ICA1: variants seen among roughly 807,000 people sequenced by gnomAD.
The protein encoded by ICA1 is 69 kDa islet cell autoantigen.
A neutral mutation model predicts 71.0 loss-of-function variants in ICA1; 40 were observed. That is an observed-to-expected ratio of 0.56 (90% CI 0.44 to 0.73). The LOEUF is 0.73. Ranked by LOEUF, ICA1 falls within the 30% of genes least tolerant of loss-of-function variation. The probability of loss-of-function intolerance (pLI) is 0.00; values close to 1 mark genes in which losing one functional copy is unlikely to be tolerated. For missense variants in ICA1, 578 were observed against 576.5 expected, an observed-to-expected ratio of 1.00 and a Z score of -0.03; for synonymous variants, 207 against 209.5, an observed-to-expected ratio of 0.99 and a Z score of 0.10.
intron 2 of ICA1, 22 bp from the exon 3 acceptor site, chr7:8,232,777 T>C (rs1350827103): frequency 6.5e-7 from 1 of 1,544,920 alleles, no homozygotes; most frequent in African/African-American, 1.4e-5. Context: ...TAAAGAACTA[T>C]TTTATTCACA....
chr7:8,176,676 C>T (rs1009207963), intron 6 of ICA1, among the ~76,000 whole-genome samples: 1 of 152,200 alleles, frequency 6.6e-6, no homozygotes. Flanking sequence ...TAGTACTGCT[C>T]TTCAACAGGG....
rs1048930092 is a variant in ICA1 at position 8,144,047 on chromosome 7, G to C, written c.805-75C>G. 2 of 868,758 alleles carry C rather than the reference G, an allele frequency of 2.3e-6. No individual in the cohort carries two copies. The highest frequency in any genetic ancestry group is 3.6e-6 in the Non-Finnish European group (2 of 562,210). The allele number at this position is 868,758 out of a possible 1,614,324, so 53.8% of individuals were successfully genotyped here. ...ATAGAGACAAAAAAAAGAAAAGAAA[G>C]GTTATCAATTAAAAAATTCAACTGC... On this transcript the variant is annotated intron_variant, in intron 8 of 13. Coordinates refer to ENST00000402384, the MANE Select transcript of ICA1 (RefSeq NM_001136020.3). The surrounding 1 kb of genome is among the most constrained non-coding windows in gnomAD (Gnocchi z 4.5).
chr7:8,159,800 T>A (rs559696229), intron 6 of ICA1, among the ~76,000 whole-genome samples: 1 of 152,314 alleles, frequency 6.6e-6, no homozygotes, highest in African/African-American at 2.4e-5. Context: ...CAACACAGCA[T>A]ATTTTGGCTA....
intron 1 of ICA1, among the ~76,000 whole-genome samples, chr7:8,242,393 A>C (rs1804283591): frequency 6.6e-6 from 1 of 152,246 alleles, no homozygotes; most frequent in African/African-American, 2.4e-5. Flanking sequence ...ATGTACCAGA[A>C]TCTCTGGGAC....
chr7:8,142,178 G>C (rs940344028), intron 9 of ICA1: 5 of 437,898 alleles, frequency 1.1e-5, no homozygotes, highest in Non-Finnish European at 1.6e-5. Flanking sequence ...CTGATTCCTA[G>C]TGTTATAGGA....
At chr7:8,125,283 G>A (rs1225173359) in intron 13 of ICA1, among the ~76,000 whole-genome samples, 1 of 152,186 alleles carries the variant, frequency 6.6e-6, no homozygotes, top group Non-Finnish European at 1.5e-5. Context: ...TGTGTGGCCT[G>A]GCCTCCGCCT....
chr7:8,184,694 T>C (rs1191270262), intron 6 of ICA1, among the ~76,000 whole-genome samples: 1 of 152,224 alleles, frequency 6.6e-6, no homozygotes, highest in Admixed American at 6.5e-5. Flanking sequence ...TAAATATACA[T>C]GCAAGAGTAT....
At position 8,234,758 on chromosome 7, in the gene ICA1, A is replaced by C. The variant is rs1208874321; in HGVS notation, c.17+1152T>G. Among the ~76,000 whole-genome samples, 1 of 152,228 alleles carries C rather than the reference A, an allele frequency of 6.6e-6. No homozygotes were observed. Among genetic ancestry groups the C allele is most frequent in the Non-Finnish European group, 1.5e-5 (1 of 68,030 alleles). ...ATCAGAGAAAATAAGATAATGTATA[A>C]AACTTATGTAAAAGATAATCTCTCT... is the stretch of plus-strand genomic sequence containing the variant. On this transcript the variant is annotated intron_variant, in intron 2 of 13. Coordinates refer to ENST00000402384, the MANE Select transcript of ICA1 (RefSeq NM_001136020.3). The surrounding 1 kb of genome is among the most constrained non-coding windows in gnomAD (Gnocchi z 4.5).
intron 1 of ICA1, among the ~76,000 whole-genome samples, chr7:8,241,068 C>A (rs1320769676): frequency 6.6e-6 from 1 of 152,076 alleles, no homozygotes; most frequent in Non-Finnish European, 1.5e-5. Flanking sequence ...CAGAGAACAC[C>A]ACAGAGATAC....
chr7:8,179,205 C>T (rs149203034), intron 6 of ICA1, among the ~76,000 whole-genome samples: 3 of 152,310 alleles, frequency 2.0e-5, no homozygotes, highest in South Asian at 2.1e-4. Context: ...AACCTGGACG[C>T]CTGGCTGGGA....
chr7:8,230,018 C>A (rs953865644), intron 3 of ICA1, among the ~76,000 whole-genome samples: 2 of 152,200 alleles, frequency 1.3e-5, no homozygotes, highest in African/African-American at 2.4e-5. Context: ...CTACAGTGCA[C>A]AGCTCTGGAG....
At chr7:8,135,767 T>C (rs558180160) in intron 12 of ICA1, among the ~76,000 whole-genome samples, 5 of 152,364 alleles carry the variant, frequency 3.3e-5, no homozygotes, top group African/African-American at 1.2e-4. Context: ...ATTTAGAATA[T>C]AGACAATTAA....
At chr7:8,255,888 C>A (rs1305092410) in intron 1 of ICA1, among the ~76,000 whole-genome samples, 1 of 149,520 alleles carries the variant, frequency 6.7e-6, no homozygotes, top group Non-Finnish European at 1.5e-5. Flanking sequence ...AATCCTCTTA[C>A]TTAGCCTACC....
chr7:8,127,675 CAG>C (rs1447537272), intron 13 of ICA1, among the ~76,000 whole-genome samples, 196 bp downstream of exon 13: 1 of 152,058 alleles, frequency 6.6e-6, no homozygotes, highest in African/African-American at 2.4e-5. Flanking sequence ...GATGCTAACA[CAG>C]GGGAGAATTA....
intron 6 of ICA1, among the ~76,000 whole-genome samples, chr7:8,167,896 T>C (rs1180513511): frequency 6.6e-6 from 1 of 152,130 alleles, no homozygotes; most frequent in Non-Finnish European, 1.5e-5. Flanking sequence ...TCTCCTTCCT[T>C]CTCTGTTGGC....
intron 8 of ICA1, among the ~76,000 whole-genome samples, chr7:8,153,472 GA>G (rs1429332120): frequency 6.6e-6 from 1 of 152,056 alleles, no homozygotes; most frequent in African/African-American, 2.4e-5. Flanking sequence ...ATTTTCCAGG[GA>G]AAAGCCACTC....
chr7:8,230,943 G>A (rs775265853), intron 3 of ICA1, among the ~76,000 whole-genome samples: 4 of 152,158 alleles, frequency 2.6e-5, no homozygotes, highest in Non-Finnish European at 5.9e-5. Context: ...GGGATACGTC[G>A]TGAATAGGCT....
At chr7:8,201,533 C>T (rs545985544) in intron 6 of ICA1, among the ~76,000 whole-genome samples, 1 of 152,192 alleles carries the variant, frequency 6.6e-6, no homozygotes, top group African/African-American at 2.4e-5. Flanking sequence ...GATGAGCTGC[C>T]CCACCGCCTG....
At chr7:8,162,847 G>T (rs751992348) in intron 6 of ICA1, among the ~76,000 whole-genome samples, 4 of 152,052 alleles carry the variant, frequency 2.6e-5, no homozygotes, top group African/African-American at 9.7e-5. Flanking sequence ...CACTGCAACC[G>T]CTGCCTCCTG....
Sources: gnomAD v4.1 joint callset for allele counts (sites outside exome capture counted in the v4.1 genomes callset) on GRCh38, gnomAD v4.1.1 for gene constraint, Gnocchi (gnomAD v3.1) non-coding constraint, MANE v1.5 for transcripts, NCBI Gene and HGNC (gene_info 2026-07-23, HGNC 2026-07-21) for gene names.